The following BCAS3 variants were observed in gnomAD, a reference collection of about 807,000 sequenced individuals.
The protein encoded by BCAS3 is BCAS3 microtubule associated cell migration factor.
In BCAS3, 53 loss-of-function variants were observed where a neutral mutation model predicts 116.1. That is an observed-to-expected ratio of 0.46 (90% CI 0.37 to 0.57). The LOEUF (loss-of-function observed/expected upper bound fraction) is 0.57. BCAS3 is among the 20% of genes least tolerant of loss of function. BCAS3 has a pLI of 0.00. For synonymous variants in BCAS3, 391 were observed against 408.2 expected, an observed-to-expected ratio of 0.96 and a Z score of 0.51; for missense variants, 917 against 1,165.4, an observed-to-expected ratio of 0.79 and a Z score of 3.10.
At chr17:60,802,295 A>T (rs7218870) in intron 6 of BCAS3, among the ~76,000 whole-genome samples, 5,050 of 127,810 alleles carry the variant, frequency 0.04, 183 homozygotes, top group Admixed American at 0.11. Context: ...AAAAAAAAAA[A>T]ATATATATAT....
intron 6 of BCAS3, among the ~76,000 whole-genome samples, chr17:60,760,783 A>G (rs998304772): frequency 1.3e-5 from 2 of 152,098 alleles, no homozygotes; most frequent in East Asian, 1.9e-4. Context: ...TTCATCTAAC[A>G]TTTTGTTAAA....
chr17:61,329,343 A>ATTATTTTTTTTTTTTTTT (rs1555831750), intron 22 of BCAS3, among the ~76,000 whole-genome samples: 4 of 131,296 alleles, frequency 3.0e-5, no homozygotes, highest in African/African-American at 1.2e-4. Context: ...TATTATTATT[A>ATTATTTTTTTTTTTTTTT]TTTTTTTTTT....
Position 61,214,837 on chromosome 17 carries a change from G to A in BCAS3, c.2425+130273G>A, listed in dbSNP as rs570283330. Among the ~76,000 whole-genome samples, 34 of 152,348 alleles carry A rather than the reference G, an allele frequency of 2.2e-4. No individual in the cohort carries two copies. Among genetic ancestry groups the A allele is most frequent in the African/African-American group, 7.7e-4 (32 of 41,580 alleles). Reference sequence around the variant, plus strand: ...GAAAGCTAATTCTTCAGAAGAGTATGTTCTAGCTAAGGGTGTACTATAAAG... The same window carrying A: ...GAAAGCTAATTCTTCAGAAGAGTATATTCTAGCTAAGGGTGTACTATAAAG... On this transcript the variant is annotated intron_variant, in intron 22 of 23. Transcript: ENST00000407086. The surrounding 1 kb of genome is among the most constrained non-coding windows in gnomAD (Gnocchi z 4.4).
In BCAS3 at chr17:60,679,533, G is replaced by A; in HGVS notation, c.76G>A (p.Ala26Thr). 1.9e-6 allele frequency: 3 copies of A among 1,611,654 alleles called. No homozygotes were observed. Among genetic ancestry groups the A allele is most frequent in the South Asian group, 1.1e-5 (1 of 90,878 alleles). The change falls in exon 2 of 24, where the codon GCT becomes ACT. Residue 26 changes from alanine to threonine, a missense_variant. Around this residue, in one of 3 missense-constraint regions of BCAS3, gnomAD observed 807 missense variants for 1,026.0 expected, o/e 0.79. Coordinates refer to ENST00000407086, the MANE Select transcript of BCAS3 (RefSeq NM_017679.5). ...CTGGVVVRPQ[A>T]VTEQSYMESV... ...TGGTGGAGTTGTGGTTCGCCCCCAG[G>A]CTGTCACGTAAGCACATTTCAGATA...
chr17:61,278,756 G>C lies in BCAS3; in HGVS notation c.2426-89571G>C, dbSNP rs2050987896. On this transcript the variant is annotated intron_variant, in intron 22 of 23. Coordinates refer to ENST00000407086, the MANE Select transcript of BCAS3 (RefSeq NM_017679.5). The surrounding 1 kb of genome is among the most constrained non-coding windows in gnomAD (Gnocchi z 5.8). The stretch of plus-strand genomic sequence containing the variant: ...CAGTATGGTTCCACTTATATGACAT[G>C]TCCAGAATAGGAAAATCTATAGAGA... 6.6e-6 allele frequency among the ~76,000 whole-genome samples: 1 copy of C among 152,166 alleles called. No individual in the cohort carries two copies. The highest frequency in any genetic ancestry group is 2.4e-5 in the African/African-American group (1 of 41,434).
rs1253953261 is a variant in BCAS3 at position 60,956,527 on chromosome 17, T to G, written c.1221+9175T>G. 6.6e-6 allele frequency among the ~76,000 whole-genome samples: 1 copy of G among 152,192 alleles called. No individual in the cohort carries two copies. The highest frequency in any genetic ancestry group is 1.5e-5 in the Non-Finnish European group (1 of 68,022). The stretch of plus-strand genomic sequence containing the variant: ...CTTAACACCTATTTTTGATACCTCT[T>G]TGTATTAAAGTTATTTGCCATTTAA... On this transcript the variant is annotated intron_variant, in intron 14 of 23. Coordinates refer to ENST00000407086, the MANE Select transcript of BCAS3 (RefSeq NM_017679.5). This position sits in a 1 kb window ranked among gnomAD's most constrained non-coding sequence, Gnocchi z 4.2.
intron 5 of BCAS3, among the ~76,000 whole-genome samples, chr17:60,741,202 G>T (rs1160946430): frequency 6.6e-6 from 1 of 152,100 alleles, no homozygotes; most frequent in Admixed American, 6.6e-5. Context: ...GCTCTATGAC[G>T]TCATTTTTCT....
chr17:60,812,698 T>C (rs1034862622), intron 7 of BCAS3, among the ~76,000 whole-genome samples: 4 of 152,052 alleles, frequency 2.6e-5, no homozygotes, highest in Admixed American at 6.6e-5. Flanking sequence ...TACATACATA[T>C]ATACATATGT....
At chr17:60,680,428 C>G (rs2032874944) in intron 2 of BCAS3, among the ~76,000 whole-genome samples, 1 of 152,104 alleles carries the variant, frequency 6.6e-6, no homozygotes, top group South Asian at 2.1e-4. Context: ...TCTCCCCGCT[C>G]CCACCCAACT....
At chr17:61,143,440 GTT>G (rs1180668373) in intron 22 of BCAS3, among the ~76,000 whole-genome samples, 1 of 152,128 alleles carries the variant, frequency 6.6e-6, no homozygotes, top group African/African-American at 2.4e-5. Context: ...TTCTGATTTT[GTT>G]TTTTAAAGAA....
At chr17:61,288,124 T>C (rs2052018410) in intron 22 of BCAS3, among the ~76,000 whole-genome samples, 1 of 152,218 alleles carries the variant, frequency 6.6e-6, no homozygotes, top group African/African-American at 2.4e-5. Flanking sequence ...TCACTCCCTG[T>C]CTCTGCCTTG....
chr17:60,793,597 A>G (rs1261892957), intron 6 of BCAS3, among the ~76,000 whole-genome samples: 7 of 152,086 alleles, frequency 4.6e-5, no homozygotes, highest in Non-Finnish European at 1.0e-4. Context: ...TGCATCATTC[A>G]TATGACTTTG....
chr17:61,043,194 A>G (rs760522623), intron 19 of BCAS3, among the ~76,000 whole-genome samples: 3 of 151,750 alleles, frequency 2.0e-5, no homozygotes, highest in Non-Finnish European at 4.4e-5. Context: ...GTGAAACCCC[A>G]TCTCTACTAA....
intron 22 of BCAS3, among the ~76,000 whole-genome samples, chr17:61,108,734 A>G (rs529562248): frequency 2.3e-4 from 35 of 151,620 alleles, no homozygotes; most frequent in African/African-American, 7.5e-4. Context: ...ACTGTATCCA[A>G]TGTGTCATAT....
At chr17:60,920,881 AC>A (rs2059042302) in intron 12 of BCAS3, among the ~76,000 whole-genome samples, 1 of 67,704 alleles carries the variant, frequency 1.5e-5, no homozygotes. Context: ...AACAACAACA[AC>A]AACAACAACA....
intron 22 of BCAS3, among the ~76,000 whole-genome samples, chr17:61,342,644 C>T (rs1430046372): frequency 6.6e-6 from 1 of 152,210 alleles, no homozygotes; most frequent in African/African-American, 2.4e-5. Context: ...GTATGCTGAC[C>T]CCCTGTTACA....
intron 22 of BCAS3, among the ~76,000 whole-genome samples, chr17:61,322,816 G>GAGAC (rs2055364102): frequency 7.7e-6 from 1 of 129,804 alleles, no homozygotes; most frequent in African/African-American, 3.1e-5. Flanking sequence ...GAGAGAGAGA[G>GAGAC]AGAGAGAGAG....
chr17:60,910,482 A>G, intron 11 of BCAS3, 50 bp from the exon 12 acceptor site: 1 of 1,395,764 alleles, frequency 7.2e-7, no homozygotes. Flanking sequence ...ATTTCTATGT[A>G]GAATCCAAAT....
In BCAS3 at chr17:61,214,551, C is replaced by T. The variant is rs189940175; in HGVS notation, c.2425+129987C>T. ...TACCAAAAAAAAAAAATTAGCTGGGCGTGGCGGCGGGCGCCTGTAGTCCCA... is the reference window on the plus strand; with the variant it reads ...TACCAAAAAAAAAAAATTAGCTGGGTGTGGCGGCGGGCGCCTGTAGTCCCA... On this transcript the variant is annotated intron_variant, in intron 22 of 23. Transcript: ENST00000407086. The surrounding 1 kb of genome is among the most constrained non-coding windows in gnomAD (Gnocchi z 4.4). 0.011 allele frequency among the ~76,000 whole-genome samples: 1,626 copies of T among 150,590 alleles called. 18 individuals carry two copies. The highest frequency in any genetic ancestry group is 0.014 in the Middle Eastern group (4 of 288).
Sources: allele counts gnomAD v4.1 joint callset (sites outside exome capture counted in the v4.1 genomes callset), GRCh38; gene constraint gnomAD v4.1.1; regional missense constraint gnomAD v4.1.1; non-coding constraint Gnocchi (gnomAD v3.1); transcripts MANE v1.5; gene names NCBI Gene and HGNC (gene_info 2026-07-23, HGNC 2026-07-21).